SSBP3: variants seen among roughly 807,000 people sequenced by gnomAD.
SSBP3 encodes single-stranded DNA-binding protein 3.
SSBP3 carries 5 observed loss-of-function variants against 69.6 expected under a neutral mutation model. The ratio of observed to expected loss-of-function variants is 0.07; its 90% CI spans 0.04 to 0.15. The LOEUF (loss-of-function observed/expected upper bound fraction) is 0.15, where lower values mean the gene tolerates loss of function less well. SSBP3 is among the 10% of genes least tolerant of loss of function. The pLI is 1.00. For synonymous variants in SSBP3, 196 were observed against 193.4 expected (o/e 1.01, Z -0.11); for missense variants, 312 against 534.0 (o/e 0.58, Z 4.10).
chr1:54,377,352 C>T (rs576352879), intron 4 of SSBP3, among the ~76,000 whole-genome samples: 1 of 152,394 alleles, frequency 6.6e-6, no homozygotes, highest in South Asian at 2.1e-4. Flanking sequence ...ACAGCCCAAC[C>T]TCAGTGTGCT....
chr1:54,386,326 C>A (rs1004040014), intron 4 of SSBP3, among the ~76,000 whole-genome samples: 2 of 152,188 alleles, frequency 1.3e-5, no homozygotes, highest in Admixed American at 1.3e-4. Flanking sequence ...GATTGACATC[C>A]TTCAGATACA....
chr1:54,266,740 A>T (rs1045016655), intron 5 of SSBP3, among the ~76,000 whole-genome samples: 27 of 151,724 alleles, frequency 1.8e-4, no homozygotes, highest in Non-Finnish European at 2.9e-4. Context: ...CAGAGCCAAG[A>T]TGTTATGCCC....
chr1:54,352,203 G>A (rs1198257279), intron 4 of SSBP3, among the ~76,000 whole-genome samples: 6 of 123,458 alleles, frequency 4.9e-5, no homozygotes, highest in African/African-American at 1.9e-4. Flanking sequence ...AGTCTGAAGA[G>A]CCTTGGGCTA....
intron 4 of SSBP3, among the ~76,000 whole-genome samples, chr1:54,299,339 G>C (rs968651745): frequency 6.6e-6 from 1 of 152,122 alleles, no homozygotes; most frequent in African/African-American, 2.4e-5. Flanking sequence ...CGGCAGTCAC[G>C]GGGGCGTGCT....
intron 4 of SSBP3, among the ~76,000 whole-genome samples, chr1:54,303,071 A>G (rs776958893): frequency 2.0e-4 from 30 of 152,252 alleles, no homozygotes; most frequent in Non-Finnish European, 3.4e-4. Context: ...CTGATATAAT[A>G]AAGTACACGC....
chr1:54,368,514 T>C (rs1647066357), intron 4 of SSBP3, among the ~76,000 whole-genome samples: 1 of 152,042 alleles, frequency 6.6e-6, no homozygotes, highest in African/African-American at 2.4e-5. Flanking sequence ...TCACAACTCA[T>C]TACCTGCCTG....
intron 14 of SSBP3, among the ~76,000 whole-genome samples, chr1:54,233,707 G>T (rs1644431861): frequency 6.7e-6 from 1 of 149,850 alleles, no homozygotes; most frequent in African/African-American, 2.5e-5. Context: ...CCGTCTGGGA[G>T]GGAGGTGGGG....
intron 4 of SSBP3, among the ~76,000 whole-genome samples, chr1:54,292,420 G>A (rs1056623600): frequency 6.6e-6 from 1 of 152,130 alleles, no homozygotes; most frequent in Non-Finnish European, 1.5e-5. Flanking sequence ...GACAGGGTGG[G>A]TGAGCCCCCA....
chr1:54,253,627 G>A (rs1644870024), intron 7 of SSBP3, among the ~76,000 whole-genome samples: 1 of 152,184 alleles, frequency 6.6e-6, no homozygotes, highest in African/African-American at 2.4e-5. Flanking sequence ...AGGTTCCCTA[G>A]CTCTGAATCA....
At chr1:54,347,288 T>A (rs371218465) in intron 4 of SSBP3, among the ~76,000 whole-genome samples, 5 of 151,582 alleles carry the variant, frequency 3.3e-5, no homozygotes, top group African/African-American at 1.2e-4. Context: ...CTTTAAATCA[T>A]CTCTGGGTTA....
At chr1:54,334,719 A>C (rs1396418412) in intron 4 of SSBP3, among the ~76,000 whole-genome samples, 1 of 152,228 alleles carries the variant, frequency 6.6e-6, no homozygotes, top group Non-Finnish European at 1.5e-5. Flanking sequence ...CAATAACAAC[A>C]TCATCTTTCT....
At chr1:54,316,673 T>A (rs866750880) in intron 4 of SSBP3, among the ~76,000 whole-genome samples, 6,828 of 72,228 alleles carry the variant, frequency 0.095, 793 homozygotes, top group African/African-American at 0.18. Context: ...AATAAATAAA[T>A]AAATAAATAA....
intron 5 of SSBP3, among the ~76,000 whole-genome samples, chr1:54,261,776 G>A (rs1005472125): frequency 3.3e-5 from 5 of 152,156 alleles, no homozygotes; most frequent in African/African-American, 1.2e-4. Context: ...GGTGGATCAG[G>A]GCAGATGGCA....
At chr1:54,365,048 G>A (rs1474124238) in intron 4 of SSBP3, among the ~76,000 whole-genome samples, 2 of 152,224 alleles carry the variant, frequency 1.3e-5, no homozygotes, top group African/African-American at 4.8e-5. Context: ...AGGGGCAGGA[G>A]GGAGGGAAGA....
intron 4 of SSBP3, among the ~76,000 whole-genome samples, chr1:54,302,293 A>C (rs1645816832): frequency 6.6e-6 from 1 of 151,798 alleles, no homozygotes; most frequent in Non-Finnish European, 1.5e-5. Context: ...CTGCTCAATG[A>C]ATGTAGCTCA....
At chr1:54,289,031 A>C (rs866699003) in intron 4 of SSBP3, among the ~76,000 whole-genome samples, 17 of 86,764 alleles carry the variant, frequency 2.0e-4, no homozygotes, top group African/African-American at 8.0e-4. Flanking sequence ...AAAAAAAAAA[A>C]AAAAACAAAA....
chr1:54,249,818 C>T (rs1644796706), intron 9 of SSBP3, among the ~76,000 whole-genome samples: 1 of 150,598 alleles, frequency 6.6e-6, no homozygotes, highest in Non-Finnish European at 1.5e-5. Context: ...CTGGACCCTG[C>T]CCCTTCCAAC....
intron 4 of SSBP3, among the ~76,000 whole-genome samples, chr1:54,318,586 C>T (rs1223239817): frequency 6.6e-6 from 1 of 152,142 alleles, no homozygotes; most frequent in East Asian, 1.9e-4. Context: ...TAAAGCTTTC[C>T]AAGCAGCTCT....
At chr1:54,259,186 T>C (rs1327571599) in intron 5 of SSBP3, among the ~76,000 whole-genome samples, 1 of 143,880 alleles carries the variant, frequency 7.0e-6, no homozygotes, top group Non-Finnish European at 1.5e-5. Context: ...CCAGAAGACA[T>C]GGGCAGATGA....
Sources: allele counts gnomAD v4.1 joint callset (sites outside exome capture counted in the v4.1 genomes callset), GRCh38; gene constraint gnomAD v4.1.1; transcripts MANE v1.5; gene names NCBI Gene and HGNC (gene_info 2026-07-23, HGNC 2026-07-21).